SLCO6A1: variants seen among roughly 807,000 people sequenced by gnomAD.
The protein encoded by SLCO6A1 is cancer/testis antigen 48.
In SLCO6A1, 65 loss-of-function variants were observed where a neutral mutation model predicts 72.7. The ratio of observed to expected loss-of-function variants is 0.89; its 90% CI spans 0.73 to 1.10. The LOEUF is 1.10. Among genes scored for constraint, SLCO6A1 ranks in the 50% least tolerant of loss-of-function variants. SLCO6A1 has a pLI of 0.00. For synonymous variants in SLCO6A1, 314 were observed against 298.2 expected (o/e 1.05, Z -0.55); for missense variants, 874 against 872.6 (o/e 1.00, Z -0.02).
intron 7 of SLCO6A1, among the ~76,000 whole-genome samples, chr5:102,425,192 C>T (rs553493766): frequency 6.0e-4 from 91 of 152,236 alleles, no homozygotes; most frequent in African/African-American, 2.1e-3. Context: ...AGGAAGCATT[C>T]CCTTTGAAAA....
chr5:102,468,870 C>T (rs1751446464), intron 4 of SLCO6A1, among the ~76,000 whole-genome samples: 1 of 152,132 alleles, frequency 6.6e-6, no homozygotes, highest in Admixed American at 6.6e-5. Flanking sequence ...TTTCAGCTTT[C>T]TACATATTGC....
intron 6 of SLCO6A1, among the ~76,000 whole-genome samples, chr5:102,452,286 T>C (rs1750456416): frequency 6.6e-6 from 1 of 152,224 alleles, no homozygotes; most frequent in Non-Finnish European, 1.5e-5. Flanking sequence ...ATATTATTCC[T>C]TACCAAATTC....
Position 102,413,161 on chromosome 5 carries a change from A to G in SLCO6A1, c.1473-18T>C. On this transcript the variant is annotated intron_variant, in intron 8 of 13. Transcript: ENST00000506729. ...TCCCTGTTCTGTAAAAACAAGATTGAATGTAATCATATTACCATTGTTTTA... is the reference window on the plus strand; with the variant it reads ...TCCCTGTTCTGTAAAAACAAGATTGGATGTAATCATATTACCATTGTTTTA... 1.3e-6 allele frequency: 2 copies of G among 1,543,560 alleles called. No individual in the cohort carries two copies. Among genetic ancestry groups the G allele is most frequent in the Admixed American group, 4.5e-5 (2 of 44,936 alleles).
At chr5:102,376,856 C>G (rs1378133030) in intron 12 of SLCO6A1, among the ~76,000 whole-genome samples, 4 of 152,100 alleles carry the variant, frequency 2.6e-5, no homozygotes, top group Non-Finnish European at 5.9e-5. Context: ...AAACATATGA[C>G]TATGAAAACA....
rs868866672 is a variant in SLCO6A1 at position 102,425,088 on chromosome 5, C to A, written c.1277-5067G>T. Among the ~76,000 whole-genome samples the A allele has an allele frequency of 9.9e-5, 15 of 152,232 alleles. No homozygotes were observed. In the South Asian group the frequency reaches 2.1e-3, roughly 21 times the overall value. On this transcript the variant is annotated intron_variant, in intron 7 of 13. Transcript: ENST00000506729. ...TTAACACCCCTTCATGCTAAAAACA[C>A]TCAATAAACTAGGTATTGATGGAGC... is the stretch of plus-strand genomic sequence containing the variant.
At chr5:102,397,223 T>C (rs530239521) in intron 10 of SLCO6A1, among the ~76,000 whole-genome samples, 1 of 152,202 alleles carries the variant, frequency 6.6e-6, no homozygotes, top group Non-Finnish European at 1.5e-5. Flanking sequence ...TAGCAGTTAC[T>C]TGTAATTTTG....
At chr5:102,455,567 AT>A (rs1386497613) in intron 6 of SLCO6A1, among the ~76,000 whole-genome samples, 2 of 152,136 alleles carry the variant, frequency 1.3e-5, no homozygotes, top group Admixed American at 1.3e-4. Flanking sequence ...ACAAAACATG[AT>A]GCTTGTGGGA....
chr5:102,379,324 G>A (rs1054386738), intron 12 of SLCO6A1, among the ~76,000 whole-genome samples: 2 of 151,884 alleles, frequency 1.3e-5, no homozygotes, highest in African/African-American at 4.8e-5. Context: ...AGTGCTTCAT[G>A]TGTCCTGTTT....
intron 3 of SLCO6A1, among the ~76,000 whole-genome samples, chr5:102,476,677 T>C (rs1364597646): frequency 6.6e-6 from 1 of 152,012 alleles, no homozygotes; most frequent in Non-Finnish European, 1.5e-5. Context: ...TTATTTAATC[T>C]ATATATTTAA....
At chr5:102,384,291 T>C (rs1292608844) in intron 12 of SLCO6A1, among the ~76,000 whole-genome samples, 1 of 152,018 alleles carries the variant, frequency 6.6e-6, no homozygotes, top group Non-Finnish European at 1.5e-5. Flanking sequence ...CAGTCAGTAA[T>C]GTTTGATTAG....
At chr5:102,463,632 A>G (rs1751156043) in intron 4 of SLCO6A1, among the ~76,000 whole-genome samples, 1 of 152,190 alleles carries the variant, frequency 6.6e-6, no homozygotes, top group Non-Finnish European at 1.5e-5. Flanking sequence ...CATGCCTGTA[A>G]TCCCAGCACT....
chr5:102,439,559 A>G (rs901804235), intron 6 of SLCO6A1, among the ~76,000 whole-genome samples: 1 of 152,090 alleles, frequency 6.6e-6, no homozygotes, highest in African/African-American at 2.4e-5. Flanking sequence ...TCTCAGTGCT[A>G]TCTGATTTTA....
intron 12 of SLCO6A1, among the ~76,000 whole-genome samples, chr5:102,381,472 T>C (rs1429018253): frequency 6.6e-6 from 1 of 151,830 alleles, no homozygotes; most frequent in Non-Finnish European, 1.5e-5. Flanking sequence ...TGTCTATTTA[T>C]CTGTCAATGA....
intron 11 of SLCO6A1, 99 bp from the exon 12 acceptor site, chr5:102,388,924 T>C: frequency 4.9e-6 from 5 of 1,026,514 alleles, no homozygotes; most frequent in Non-Finnish European, 6.9e-6. Context: ...CGACTCATCA[T>C]TCAAAACATA....
At chr5:102,376,410 T>C (rs1256362437) in intron 12 of SLCO6A1, among the ~76,000 whole-genome samples, 2 of 151,942 alleles carry the variant, frequency 1.3e-5, no homozygotes, top group Non-Finnish European at 2.9e-5. Flanking sequence ...AAAGACAAGA[T>C]AGATTTTAAG....
In SLCO6A1 at chr5:102,477,793, G is replaced by T. The variant is rs756759161; in HGVS notation, c.685C>A (p.Leu229Met). 6.2e-7 allele frequency: 1 copy of T among 1,613,712 alleles called. No homozygotes were observed. Among genetic ancestry groups the T allele is most frequent in the Non-Finnish European group, 8.5e-7 (1 of 1,179,776 alleles). The change falls in exon 3 of 14, where the codon CTG becomes ATG. Residue 229 changes from leucine (L) to methionine (M), a missense_variant. Coordinates refer to ENST00000506729, the MANE Select transcript of SLCO6A1 (RefSeq NM_173488.5). Reference protein sequence around the residue: ...SSGISFQSKYLSFFILGQTVQ... With the variant: ...SSGISFQSKYMSFFILGQTVQ... ...GTCTGCCCAAGGATGAAGAAAGACA[G>T]GTATTTTGATTGGAATGATATACCA...
At chr5:102,389,829 C>A (rs1321052245) in intron 11 of SLCO6A1, among the ~76,000 whole-genome samples, 2 of 135,506 alleles carry the variant, frequency 1.5e-5, no homozygotes, top group South Asian at 2.5e-4. Flanking sequence ...CCTCCCTTTT[C>A]TTTTCCTCCA....
chr5:102,450,510 T>A (rs1750356660), intron 6 of SLCO6A1, among the ~76,000 whole-genome samples: 1 of 152,230 alleles, frequency 6.6e-6, no homozygotes, highest in African/African-American at 2.4e-5. Flanking sequence ...TTCCTTGTAT[T>A]TGCAGCCATG....
At chr5:102,401,370 A>G (rs1747389484) in intron 9 of SLCO6A1, among the ~76,000 whole-genome samples, 3 of 152,146 alleles carry the variant, frequency 2.0e-5, no homozygotes, top group Non-Finnish European at 4.4e-5. Flanking sequence ...AGCAATGTAA[A>G]GAACTTTGGT....
Sources: gnomAD v4.1 joint callset for allele counts (sites outside exome capture counted in the v4.1 genomes callset) on GRCh38, gnomAD v4.1.1 for gene constraint, MANE v1.5 for transcripts, NCBI Gene and HGNC (gene_info 2026-07-23, HGNC 2026-07-21) for gene names.